The following NFILZ variants were observed in gnomAD, a reference collection of about 807,000 sequenced individuals.
The protein encoded by NFILZ is NFIL3 like protein.
chr19:8,669,287 G>A (rs1039114000), intron 3 of NFILZ, among the ~76,000 whole-genome samples: 1 of 152,032 alleles, frequency 6.6e-6, no homozygotes, highest in Admixed American at 6.6e-5. Context: ...TAGCTATGTG[G>A]GTTATTTATT....
intron 3 of NFILZ, among the ~76,000 whole-genome samples, chr19:8,671,350 G>C (rs181960499): frequency 6.6e-4 from 100 of 152,028 alleles, no homozygotes; most frequent in African/African-American, 2.3e-3. Flanking sequence ...AATAAACTCG[G>C]GCAGCAGAAC....
At chr19:8,657,699 T>C (rs1432612791) in intron 3 of NFILZ, among the ~76,000 whole-genome samples, 3 of 152,178 alleles carry the variant, frequency 2.0e-5, no homozygotes, top group Non-Finnish European at 2.9e-5. Flanking sequence ...TTCAAAGATT[T>C]GTTGAGGAAT....
chr19:8,645,405 G>C (rs2042935167), intron 3 of NFILZ, among the ~76,000 whole-genome samples: 1 of 151,594 alleles, frequency 6.6e-6, no homozygotes, highest in Non-Finnish European at 1.5e-5. Context: ...CTCCCAAAGT[G>C]CTGGGATTAC....
At chr19:8,652,330 C>T (rs968087939) in intron 3 of NFILZ, among the ~76,000 whole-genome samples, 2 of 151,924 alleles carry the variant, frequency 1.3e-5, no homozygotes, top group Non-Finnish European at 2.9e-5. Context: ...GTCTCGATCT[C>T]CTGACCTAGT....
At chr19:8,653,037 T>TCC (rs1555747922) in intron 3 of NFILZ, among the ~76,000 whole-genome samples, 24 of 68,382 alleles carry the variant, frequency 3.5e-4, no homozygotes, top group Admixed American at 1.1e-3. Flanking sequence ...TCTTTCTTTC[T>TCC]TTCTCTCTCT....
chr19:8,657,969 C>T (rs550370658), intron 3 of NFILZ, among the ~76,000 whole-genome samples: 74 of 152,178 alleles, frequency 4.9e-4, no homozygotes, highest in Admixed American at 1.2e-3. Context: ...GCAGGACTGG[C>T]GGTCTTGGGT....
chr19:8,636,271 A>C (rs1454896855), intron 3 of NFILZ, among the ~76,000 whole-genome samples: 2 of 150,350 alleles, frequency 1.3e-5, no homozygotes, highest in African/African-American at 4.9e-5. Flanking sequence ...AACATGGTGA[A>C]ACCCCGTCTC....
chr19:8,666,131 G>A (rs530289760), intron 3 of NFILZ, among the ~76,000 whole-genome samples: 73 of 151,882 alleles, frequency 4.8e-4, no homozygotes, highest in African/African-American at 1.7e-3. Context: ...CATCTGGGGT[G>A]TCTTTGGGCT....
chr19:8,632,442 G>T (rs1356530730), intron 1 of NFILZ, 34 bp from the exon 2 acceptor site: 2 of 152,052 alleles, frequency 1.3e-5, no homozygotes, highest in African/African-American at 2.4e-5. Context: ...CAAGATACAG[G>T]TCATAAAGAC....
chr19:8,655,125 G>T (rs1363780225), intron 3 of NFILZ, among the ~76,000 whole-genome samples: 1 of 152,198 alleles, frequency 6.6e-6, no homozygotes, highest in Non-Finnish European at 1.5e-5. Flanking sequence ...TTCCCCTGAT[G>T]CAGAGGCTGG....
At chr19:8,633,178 G>A (rs2042878457) in intron 2 of NFILZ, among the ~76,000 whole-genome samples, 1 of 151,950 alleles carries the variant, frequency 6.6e-6, no homozygotes, top group African/African-American at 2.4e-5. Context: ...GCACCACCAT[G>A]CCCAGCTAAT....
At chr19:8,668,957 T>C (rs2043074913) in intron 3 of NFILZ, among the ~76,000 whole-genome samples, 1 of 151,966 alleles carries the variant, frequency 6.6e-6, no homozygotes. Context: ...GATTCTTTTA[T>C]TTTTTGAGAC....
At chr19:8,666,912 CTT>C (rs35846585) in intron 3 of NFILZ, among the ~76,000 whole-genome samples, 108 of 128,116 alleles carry the variant, frequency 8.4e-4, no homozygotes, top group Middle Eastern at 3.8e-3. Context: ...TTTTTGAAAA[CTT>C]TTTTTTTTTT....
intron 3 of NFILZ, among the ~76,000 whole-genome samples, chr19:8,663,490 G>GGAGCTGGTGGTGGGGAGGGGTGGA (rs1555749370): frequency 7.0e-6 from 1 of 142,724 alleles, no homozygotes; most frequent in Non-Finnish European, 1.5e-5. Flanking sequence ...AGGTGGAGGG[G>GGAGCTGGTGGTGGGGAGGGGTGGA]ACGCTGGTGG....
intron 3 of NFILZ, among the ~76,000 whole-genome samples, chr19:8,637,438 C>T (rs2042899567): frequency 6.6e-6 from 1 of 151,952 alleles, no homozygotes; most frequent in Admixed American, 6.6e-5. Context: ...CATGGTGAAG[C>T]CCCTTCTCTA....
Position 8,678,901 on chromosome 19 carries a change from G to T in NFILZ, c.*1266G>T, listed in dbSNP as rs894018152. The stretch of plus-strand genomic sequence containing the variant: ...ACACTTTTCTGGTCTTGGGTTTCCT[G>T]TCCTGGGGTAGGAATGGGTGTTTGG... On this transcript the variant is annotated 3_prime_UTR_variant, in exon 6 of 6. Transcript: ENST00000691075. Among the ~76,000 whole-genome samples, 1 of 152,272 alleles carries T rather than the reference G, an allele frequency of 6.6e-6. No homozygotes were observed. The highest frequency in any genetic ancestry group is 2.4e-5 in the African/African-American group (1 of 41,548).
chr19:8,636,494 G>A (rs1329014767), intron 3 of NFILZ, among the ~76,000 whole-genome samples: 45 of 145,226 alleles, frequency 3.1e-4, no homozygotes, highest in Admixed American at 2.9e-3. Flanking sequence ...GCCCAGGCTG[G>A]AGTTCAATGG....
At chr19:8,655,481 AC>A (rs1283933331) in intron 3 of NFILZ, among the ~76,000 whole-genome samples, 1 of 152,078 alleles carries the variant, frequency 6.6e-6, no homozygotes, top group Non-Finnish European at 1.5e-5. Context: ...AGGTGCGGGG[AC>A]ACCCCTGGAG....
chr19:8,649,906 G>A (rs563043325), intron 3 of NFILZ, among the ~76,000 whole-genome samples: 4 of 152,092 alleles, frequency 2.6e-5, no homozygotes, highest in Admixed American at 2.6e-4. Flanking sequence ...CCTGAGGTCA[G>A]GAGTTCGACA....
Sources: allele counts gnomAD v4.1 joint callset (sites outside exome capture counted in the v4.1 genomes callset), GRCh38; gene constraint gnomAD v4.1.1; transcripts MANE v1.5; gene names NCBI Gene and HGNC (gene_info 2026-07-23, HGNC 2026-07-21).